The following ERCC6L2 variants were observed in gnomAD, a reference collection of about 807,000 sequenced individuals.
The protein encoded by ERCC6L2 is DNA excision repair protein ERCC-6-like 2.
ERCC6L2 carries 77 observed loss-of-function variants against 132.0 expected under a neutral mutation model. The observed-to-expected ratio is 0.58, with a 90% confidence interval of 0.49 to 0.71. The LOEUF is 0.71. ERCC6L2 is among the 30% of genes least tolerant of loss of function. ERCC6L2 has a pLI of 0.00. For synonymous variants in ERCC6L2, 583 were observed against 632.4 expected (o/e 0.92, Z 1.17); for missense variants, 1,542 against 1,837.6 (o/e 0.84, Z 2.94).
chr9:96,036,987 C>T (rs1485793009), intron 19 of ERCC6L2, among the ~76,000 whole-genome samples: 1 of 151,416 alleles, frequency 6.6e-6, no homozygotes, highest in Non-Finnish European at 1.5e-5. Flanking sequence ...GGGATGGTCT[C>T]GATCTCCTGA....
At chr9:95,919,195 A>G (rs1288749304) in intron 6 of ERCC6L2, among the ~76,000 whole-genome samples, 1 of 152,178 alleles carries the variant, frequency 6.6e-6, no homozygotes, top group Non-Finnish European at 1.5e-5. Context: ...TACAGAATAA[A>G]CATGGCATTT....
At chr9:95,962,229 A>G (rs1473535981) in intron 13 of ERCC6L2, among the ~76,000 whole-genome samples, 1 of 152,112 alleles carries the variant, frequency 6.6e-6, no homozygotes, top group Middle Eastern at 3.2e-3. Context: ...AGCTTTTTTA[A>G]AAAATGCATA....
intron 11 of ERCC6L2, among the ~76,000 whole-genome samples, chr9:95,932,642 T>C (rs781561198): frequency 4.6e-5 from 7 of 152,162 alleles, no homozygotes; most frequent in Non-Finnish European, 8.8e-5. Context: ...TAGGTTTTCT[T>C]AGAAGCATTG....
chr9:95,971,762 C>T (rs968022858), intron 15 of ERCC6L2, among the ~76,000 whole-genome samples, 171 bp from the exon 16 acceptor site: 2 of 152,104 alleles, frequency 1.3e-5, no homozygotes, highest in African/African-American at 4.8e-5. Context: ...GAAAAGACTA[C>T]CAGACTATGA....
chr9:95,943,819 G>A (rs796329842), intron 12 of ERCC6L2, among the ~76,000 whole-genome samples: 13 of 152,228 alleles, frequency 8.5e-5, no homozygotes, highest in Admixed American at 2.0e-4. Context: ...CTTCACACAC[G>A]TTGGATGACT....
At chr9:96,034,083 C>T (rs374037928) in intron 19 of ERCC6L2, among the ~76,000 whole-genome samples, 1 of 152,232 alleles carries the variant, frequency 6.6e-6, no homozygotes, top group Non-Finnish European at 1.5e-5. Context: ...TCCCAGATGC[C>T]GCCATTCTCC....
intron 9 of ERCC6L2, among the ~76,000 whole-genome samples, chr9:95,927,467 G>A (rs1423110616): frequency 6.6e-6 from 1 of 152,100 alleles, no homozygotes; most frequent in Non-Finnish European, 1.5e-5. Context: ...CAAGGCTTTG[G>A]ACTGTTTGTT....
At chr9:96,005,312 CA>C (rs879731818) in intron 18 of ERCC6L2, among the ~76,000 whole-genome samples, 13 of 133,118 alleles carry the variant, frequency 9.8e-5, no homozygotes, top group Non-Finnish European at 1.6e-4. Context: ...GACTCTGTCT[CA>C]AAAAAAAAAG....
intron 11 of ERCC6L2, among the ~76,000 whole-genome samples, chr9:95,935,809 CA>C (rs1003339399): frequency 9.2e-5 from 14 of 152,252 alleles, no homozygotes; most frequent in African/African-American, 3.1e-4. Context: ...TTTTAAGCTA[CA>C]AACAGCTTTC....
At chr9:95,950,908 A>G (rs1275649722) in intron 12 of ERCC6L2, among the ~76,000 whole-genome samples, 2 of 152,194 alleles carry the variant, frequency 1.3e-5, no homozygotes, top group East Asian at 3.8e-4. Context: ...CTTTCATAAT[A>G]GGTAAAACAT....
downstream of ERCC6L2, chr9:96,021,348 T>G (rs1834285405): frequency 9.3e-6 from 3 of 323,910 alleles, no homozygotes; most frequent in South Asian, 7.1e-5. This position sits in a 1 kb window ranked among gnomAD's most constrained non-coding sequence, Gnocchi z 4.7. Flanking sequence ...GAAAGCGAGT[T>G]CTCCAGGAGC....
At position 96,017,282 on chromosome 9, in the gene ERCC6L2, T is replaced by C. The variant is rs372981261; in HGVS notation, c.*4079T>C. 6.6e-6 allele frequency among the ~76,000 whole-genome samples: 1 copy of C among 152,108 alleles called. No homozygotes were observed. The highest frequency in any genetic ancestry group is 1.9e-4 in the East Asian group (1 of 5,194). On this transcript the variant is annotated 3_prime_UTR_variant, in exon 19 of 19. Transcript: ENST00000653738. ...GTATTTGTTGCAGGAGGGAAGAACA[T>C]CTCACTTTTGCTTGGCTAAAGGGCC...
chr9:95,908,104 A>G lies in ERCC6L2; in HGVS notation c.788+833A>G, dbSNP rs187501909. Among the ~76,000 whole-genome samples the G allele has an allele frequency of 3.5e-4, 53 of 152,270 alleles. No homozygotes were observed. The Middle Eastern group carries it at 0.01, about 29-fold the overall frequency. On this transcript the variant is annotated intron_variant, in intron 4 of 18. Transcript: ENST00000653738. ...CTGTGTGTGCAGATAAAGGAGAGCC[A>G]AGCTGAATGGAGAAGGACCAATTAA...
intron 19 of ERCC6L2, among the ~76,000 whole-genome samples, chr9:96,035,363 C>G (rs905563969): frequency 6.6e-6 from 1 of 152,202 alleles, no homozygotes; most frequent in African/African-American, 2.4e-5. Flanking sequence ...GCCCATGGAC[C>G]AACTGGCAGG....
At chr9:95,931,895 C>T (rs1587928955) in intron 11 of ERCC6L2, among the ~76,000 whole-genome samples, 1 of 148,308 alleles carries the variant, frequency 6.7e-6, no homozygotes, top group African/African-American at 2.5e-5. Context: ...TAACAATGGC[C>T]TTTTTTTTTT....
chr9:95,878,032 G>C (rs1827382629), intron 1 of ERCC6L2, among the ~76,000 whole-genome samples: 2 of 152,240 alleles, frequency 1.3e-5, no homozygotes, highest in South Asian at 4.1e-4. Flanking sequence ...AGAGAATAAT[G>C]GGTACCCTAC....
At chr9:95,911,651 A>G (rs1192516834) in intron 4 of ERCC6L2, among the ~76,000 whole-genome samples, 2 of 152,144 alleles carry the variant, frequency 1.3e-5, no homozygotes, top group Admixed American at 6.5e-5. Flanking sequence ...TTTTGTGAGG[A>G]TAGTGCTCTG....
At chr9:95,949,246 A>G (rs1282402293) in intron 12 of ERCC6L2, among the ~76,000 whole-genome samples, 1 of 152,182 alleles carries the variant, frequency 6.6e-6, no homozygotes, top group Non-Finnish European at 1.5e-5. Context: ...CCCAATATGT[A>G]CGTTATGGAG....
rs574330467 is a variant in ERCC6L2, at chr9:95,892,118, G to A, written c.472-5731G>A. On this transcript the variant is annotated intron_variant, in intron 2 of 18. Transcript: ENST00000653738. ...TATGTGTAAATAAATTTAAAAAATAGGACTATTATTTCTATATGTTATTCT... is the reference window on the plus strand; with the variant it reads ...TATGTGTAAATAAATTTAAAAAATAAGACTATTATTTCTATATGTTATTCT... 8.6e-5 allele frequency among the ~76,000 whole-genome samples: 13 copies of A among 151,986 alleles called. 1 individual carries two copies. Among genetic ancestry groups the A allele is most frequent in the Admixed American group, 6.6e-4 (10 of 15,266 alleles).
Sources: gnomAD v4.1 joint callset for allele counts (sites outside exome capture counted in the v4.1 genomes callset) on GRCh38, gnomAD v4.1.1 for gene constraint, Gnocchi (gnomAD v3.1) non-coding constraint, MANE v1.5 for transcripts, NCBI Gene and HGNC (gene_info 2026-07-23, HGNC 2026-07-21) for gene names.